The following DNAL1 variants were observed in gnomAD, a reference collection of about 807,000 sequenced individuals.
The protein encoded by DNAL1 is chromosome 14 open reading frame 168.
Under a neutral mutation model 29.4 loss-of-function variants are expected in DNAL1, and 17 were observed. That is an observed-to-expected ratio of 0.58 (90% CI 0.40 to 0.87). The LOEUF (loss-of-function observed/expected upper bound fraction) is 0.87, where lower values mean the gene tolerates loss of function less well. Among genes scored for constraint, DNAL1 ranks in the 40% least tolerant of loss-of-function variants. DNAL1 has a pLI of 0.00. For synonymous variants in DNAL1, 78 were observed against 76.3 expected (o/e 1.02, Z -0.12); for missense variants, 188 against 214.1 (o/e 0.88, Z 0.76).
At chr14:73,656,400 A>C (rs140750773) in intron 2 of DNAL1, among the ~76,000 whole-genome samples, 1 of 141,096 alleles carries the variant, frequency 7.1e-6, no homozygotes, top group South Asian at 2.2e-4. Flanking sequence ...GGTAGAGTCT[A>C]TTTCTAGATT....
At chr14:73,682,581 A>C (rs970542461) in intron 5 of DNAL1, among the ~76,000 whole-genome samples, 2 of 151,896 alleles carry the variant, frequency 1.3e-5, no homozygotes, top group Admixed American at 1.3e-4. Context: ...TAGTAGTATA[A>C]AAATATTTTC....
intron 5 of DNAL1, among the ~76,000 whole-genome samples, chr14:73,686,269 A>G (rs769746498): frequency 2.6e-5 from 4 of 152,220 alleles, no homozygotes; most frequent in South Asian, 2.1e-4. Context: ...TTATTGTCCA[A>G]TTCTCGAAAG....
chr14:73,645,401 C>G (rs10132486), intron 1 of DNAL1, among the ~76,000 whole-genome samples: 1 of 151,984 alleles, frequency 6.6e-6, no homozygotes, highest in African/African-American at 2.4e-5. Flanking sequence ...TTAGTGACCC[C>G]CCCGTCGAGA....
At chr14:73,686,418 A>G (rs895650093) in intron 5 of DNAL1, among the ~76,000 whole-genome samples, 10 of 152,298 alleles carry the variant, frequency 6.6e-5, no homozygotes, top group Non-Finnish European at 1.2e-4. Context: ...AGGAAATTGT[A>G]TTATTGGCTG....
chr14:73,677,123 C>T (rs1190151006), intron 5 of DNAL1, among the ~76,000 whole-genome samples: 1 of 151,280 alleles, frequency 6.6e-6, no homozygotes, highest in African/African-American at 2.4e-5. Flanking sequence ...GGCGCCCGCC[C>T]CCACACCTGG....
At chr14:73,653,510 C>A (rs1891152506) in intron 1 of DNAL1, among the ~76,000 whole-genome samples, 1 of 152,012 alleles carries the variant, frequency 6.6e-6, no homozygotes, top group African/African-American at 2.4e-5. Context: ...CACCACCATG[C>A]CAGGCTAATT....
intron 5 of DNAL1, among the ~76,000 whole-genome samples, chr14:73,679,698 G>A (rs1184474330): frequency 6.6e-6 from 1 of 151,972 alleles, no homozygotes; most frequent in African/African-American, 2.4e-5. Flanking sequence ...GTTACCAAAT[G>A]GTATTTAAAA....
rs781170779 is a variant in DNAL1 at position 73,689,483 on chromosome 14, C to A, written c.500C>A (p.Thr167Asn). The A allele has an allele frequency of 6.3e-7, 1 of 1,585,602 alleles. No individual in the cohort carries two copies. Among genetic ancestry groups the A allele is most frequent in the Non-Finnish European group, 8.6e-7 (1 of 1,165,568 alleles). The change falls in exon 7 of 8, where the codon ACC becomes AAC. Residue 167 changes from threonine (T) to asparagine (N), a missense_variant. Transcript: ENST00000553645. ...SAENNWIEEA[T>N]KRVPKLKKLD... ...GAGAATAACTGGATTGAAGAAGCAACCAAGAGAGTGCCCAAACTGAAAAAG... is the reference window on the plus strand; with the variant it reads ...GAGAATAACTGGATTGAAGAAGCAAACAAGAGAGTGCCCAAACTGAAAAAG...
At chr14:73,694,152 A>T (rs1467167152) in intron 7 of DNAL1, among the ~76,000 whole-genome samples, 1 of 151,210 alleles carries the variant, frequency 6.6e-6, no homozygotes, top group East Asian at 2.0e-4. Context: ...GCACCTGTAG[A>T]TCCAGCTACT....
At position 73,701,472 on chromosome 14, in the gene DNAL1, G is replaced by C. The variant is rs916023580; in HGVS notation, c.*5530G>C. ...CTGTTACATCCAAGATCATCCCTCTGGGGGATGTGTCAAGTAGTTCTCCTA... is the reference window on the plus strand; with the variant it reads ...CTGTTACATCCAAGATCATCCCTCTCGGGGATGTGTCAAGTAGTTCTCCTA... On this transcript the variant is annotated 3_prime_UTR_variant, in exon 8 of 8. Coordinates refer to ENST00000553645, the MANE Select transcript of DNAL1 (RefSeq NM_031427.4). 2 of 152,210 alleles carry C rather than the reference G, an allele frequency of 1.3e-5. No homozygotes were observed. Among genetic ancestry groups the C allele is most frequent in the African/African-American group, 4.8e-5 (2 of 41,440 alleles). The allele number at this position is 152,210 out of a possible 1,614,324, so 9.4% of individuals were successfully genotyped here.
At chr14:73,687,764 T>TCGG (rs1355623720) in intron 6 of DNAL1, among the ~76,000 whole-genome samples, 1 of 151,964 alleles carries the variant, frequency 6.6e-6, no homozygotes, top group Non-Finnish European at 1.5e-5. Context: ...TCCCAGCTAC[T>TCGG]CGGGAGGCTG....
chr14:73,674,423 T>C lies in DNAL1; in HGVS notation c.264+2826T>C, dbSNP rs1044596781. 4.7e-5 allele frequency among the ~76,000 whole-genome samples: 7 copies of C among 148,384 alleles called. 1 individual carries two copies. The highest frequency in any genetic ancestry group is 3.4e-4 in the Admixed American group (5 of 14,920). On this transcript the variant is annotated intron_variant, in intron 5 of 7. Coordinates refer to ENST00000553645, the MANE Select transcript of DNAL1 (RefSeq NM_031427.4). ...GATCTTTACACCTCAGCTCAGATGT[T>C]GCTTCCTCAAAGGTGACCCAATCAC... is the stretch of plus-strand genomic sequence containing the variant.
chr14:73,669,705 T>C (rs150391634), intron 4 of DNAL1, among the ~76,000 whole-genome samples: 2 of 152,314 alleles, frequency 1.3e-5, no homozygotes, highest in Non-Finnish European at 2.9e-5. Flanking sequence ...GCTGGGATAA[T>C]TGGCATAAGC....
chr14:73,673,881 GA>G (rs371200751), intron 5 of DNAL1, among the ~76,000 whole-genome samples: 462 of 29,452 alleles, frequency 0.016, 4 homozygotes, highest in African/African-American at 0.088. Context: ...CTGGGTGACA[GA>G]GGGGAAAAAA....
intron 4 of DNAL1, among the ~76,000 whole-genome samples, chr14:73,669,206 C>T (rs1246582805): frequency 1.3e-5 from 2 of 152,062 alleles, no homozygotes; most frequent in Non-Finnish European, 2.9e-5. Flanking sequence ...GTGGTGCAAA[C>T]TCCTGTGCTG....
intron 1 of DNAL1, among the ~76,000 whole-genome samples, chr14:73,645,612 G>T (rs563106044): frequency 6.6e-5 from 10 of 152,282 alleles, no homozygotes; most frequent in Admixed American, 4.6e-4. Context: ...TTGGAATGCA[G>T]ATTGTGAATT....
intron 3 of DNAL1, among the ~76,000 whole-genome samples, chr14:73,661,079 G>A (rs1020927600): frequency 1.3e-5 from 2 of 151,940 alleles, no homozygotes; most frequent in South Asian, 4.2e-4. Context: ...CATGAAAATC[G>A]CTTGAACCTG....
rs536289536 is a variant in DNAL1, at chr14:73,682,934, T to C, written c.265-4325T>C. On this transcript the variant is annotated intron_variant, in intron 5 of 7. Coordinates refer to ENST00000553645, the MANE Select transcript of DNAL1 (RefSeq NM_031427.4). ...TCTTGTTGCCCAGGCCAGAGTGCAATGGCACAATCTCGGCTCACCGCAACC... is the reference window on the plus strand; with the variant it reads ...TCTTGTTGCCCAGGCCAGAGTGCAACGGCACAATCTCGGCTCACCGCAACC... 1.0e-4 allele frequency among the ~76,000 whole-genome samples: 15 copies of C among 146,736 alleles called. No homozygotes were observed. In the South Asian group the frequency reaches 3.0e-3, roughly 29 times the overall value.
At position 73,697,295 on chromosome 14, in the gene DNAL1, A is replaced by G. The variant is rs1245000443; in HGVS notation, c.*1353A>G. On this transcript the variant is annotated 3_prime_UTR_variant, in exon 8 of 8. Transcript: ENST00000553645. ...ACTTGTGTGATTTTACTTGCATAAA[A>G]TCACAGTGAAAGAGGGAAGAATCAT... The G allele has an allele frequency of 6.6e-6, 1 of 152,174 alleles. No individual in the cohort carries two copies. The highest frequency in any genetic ancestry group is 2.4e-5 in the African/African-American group (1 of 41,436). 9.4% of individuals were successfully genotyped at this position (152,174 alleles called of 1,614,324 possible). A position where few individuals can be genotyped will look rare whatever the true frequency, so the allele number is the denominator to read the frequency against.
Sources: allele counts gnomAD v4.1 joint callset (sites outside exome capture counted in the v4.1 genomes callset), GRCh38; gene constraint gnomAD v4.1.1; transcripts MANE v1.5; gene names NCBI Gene and HGNC (gene_info 2026-07-23, HGNC 2026-07-21).